Variants in USP34 observed in about 807,000 individuals in gnomAD.
USP34 encodes ubiquitin carboxyl-terminal hydrolase 34.
In USP34, 70 loss-of-function variants were observed where a neutral mutation model predicts 460.3. That is an observed-to-expected ratio of 0.15 (90% CI 0.13 to 0.19). USP34 has a LOEUF of 0.19. USP34 is among the 10% of genes least tolerant of loss of function. The pLI is 1.00. For missense variants in USP34, 3,985 were observed against 4,236.2 expected (o/e 0.94, Z 1.65); for synonymous variants, 1,647 against 1,405.3 (o/e 1.17, Z -3.85).
intron 4 of USP34, 52 bp from the exon 5 acceptor site, chr2:61,395,054 T>A (rs1693474507): frequency 6.5e-7 from 1 of 1,530,466 alleles, no homozygotes; most frequent in African/African-American, 1.4e-5. Flanking sequence ...AAATAATTTT[T>A]ATCTTAGCAA....
chr2:61,190,483 G>C (rs1270732572), intron 77 of USP34, 35 bp downstream of exon 77: 1 of 1,605,946 alleles, frequency 6.2e-7, no homozygotes, highest in East Asian at 2.2e-5. Flanking sequence ...TAACTAATTA[G>C]AAATGACACA....
chr2:61,247,149 AG>A (rs1688437994), intron 49 of USP34, among the ~76,000 whole-genome samples: 1 of 152,206 alleles, frequency 6.6e-6, no homozygotes, highest in Non-Finnish European at 1.5e-5. Flanking sequence ...AAAGATACTG[AG>A]GAAAAAAAAT....
At position 61,206,102 on chromosome 2, in the gene USP34, C is replaced by T; in HGVS notation, c.9069G>A (p.Gln3023=). ...GGGCAAATTCAATTCGCTCCTGCCACTGGATTAATGCTTGTTTCACATCTG... is the reference window on the plus strand; with the variant it reads ...GGGCAAATTCAATTCGCTCCTGCCATTGGATTAATGCTTGTTTCACATCTG... ...QRKDVKQALI[Q]WQERIEFAHK... is the part of the protein sequence containing the mutation. The change falls in exon 72 of 80, where the codon CAG becomes CAA. Residue 3023 remains glutamine, a synonymous_variant. Coordinates refer to ENST00000398571, the MANE Select transcript of USP34 (RefSeq NM_014709.4). The T allele has an allele frequency of 6.2e-7, 1 of 1,613,724 alleles. No homozygotes were observed. The highest frequency in any genetic ancestry group is 8.5e-7 in the Non-Finnish European group (1 of 1,179,754).
intron 5 of USP34, among the ~76,000 whole-genome samples, chr2:61,387,353 T>C (rs928716950): frequency 1.3e-4 from 19 of 151,758 alleles, no homozygotes; most frequent in Non-Finnish European, 1.3e-4. Flanking sequence ...CAATCCCAGC[T>C]ACTTGGAAAG....
At position 61,266,291 on chromosome 2, in the gene USP34, T is replaced by C. The variant is rs1558499575; in HGVS notation, c.5434-124A>G. On this transcript the variant is annotated intron_variant, in intron 41 of 79. Transcript: ENST00000398571. ...CTCAAAAACGTATAGCAGCATGATATACCATCATCTGAAAGTCCTCCGTGT... is the reference window on the plus strand; with the variant it reads ...CTCAAAAACGTATAGCAGCATGATACACCATCATCTGAAAGTCCTCCGTGT... The C allele has an allele frequency of 5.4e-5, 47 of 876,712 alleles. No individual in the cohort carries two copies. In the South Asian group the frequency reaches 1.0e-3, roughly 19 times the overall value. 54.3% of individuals were successfully genotyped at this position (876,712 alleles called of 1,614,324 possible).
At chr2:61,209,029 CT>C in intron 69 of USP34, 52 bp from the exon 70 acceptor site, 1 of 1,121,816 alleles carries the variant, frequency 8.9e-7, no homozygotes, top group Non-Finnish European at 1.2e-6. Flanking sequence ...GAACACAACA[CT>C]TAGGTGATGA....
At chr2:61,217,503 T>C (rs943348757) in intron 67 of USP34, among the ~76,000 whole-genome samples, 10 of 152,224 alleles carry the variant, frequency 6.6e-5, no homozygotes, top group African/African-American at 2.4e-4. Flanking sequence ...AAAGCACTTT[T>C]TCATATTACT....
intron 5 of USP34, among the ~76,000 whole-genome samples, chr2:61,391,478 T>G (rs1487355592): frequency 1.3e-5 from 2 of 152,200 alleles, no homozygotes; most frequent in Non-Finnish European, 2.9e-5. Flanking sequence ...GTCCGTATCT[T>G]TCCTGCCACA....
intron 62 of USP34, among the ~76,000 whole-genome samples, chr2:61,225,656 A>G (rs12611970): frequency 1.3e-5 from 2 of 152,292 alleles, no homozygotes; most frequent in East Asian, 3.9e-4. Context: ...TGTGGCAAAT[A>G]CTGAATTAGC....
intron 62 of USP34, 44 bp downstream of exon 62, chr2:61,227,023 A>C: frequency 1.3e-6 from 2 of 1,548,634 alleles, no homozygotes; most frequent in South Asian, 2.5e-5. Flanking sequence ...TAAAAATAAT[A>C]AAACCAAACA....
chr2:61,303,071 A>C (rs1297463615), intron 27 of USP34, among the ~76,000 whole-genome samples: 1 of 151,866 alleles, frequency 6.6e-6, no homozygotes, highest in Non-Finnish European at 1.5e-5. Context: ...ATATTATTGT[A>C]AGTTTTTTTT....
In USP34 at chr2:61,438,669, C is replaced by A. The variant is rs1431493513; in HGVS notation, c.44-17836G>T. Among the ~76,000 whole-genome samples the A allele has an allele frequency of 2.6e-5, 4 of 152,072 alleles. No individual in the cohort carries two copies. In the South Asian group the frequency reaches 6.2e-4, roughly 24 times the overall value. On this transcript the variant is annotated intron_variant, in intron 1 of 79. Transcript: ENST00000398571. ...AAATTAGGTATAAAAGGAAAGTACACCAACATAATAAAGGCCATATATGAC... is the reference window on the plus strand; with the variant it reads ...AAATTAGGTATAAAAGGAAAGTACAACAACATAATAAAGGCCATATATGAC...
Position 61,470,810 on chromosome 2 carries a change from G to T in USP34, c.-118C>A. 1 of 567,974 alleles carries T rather than the reference G, an allele frequency of 1.8e-6. No homozygotes were observed. The highest frequency in any genetic ancestry group is 2.9e-6 in the Non-Finnish European group (1 of 347,760). The allele number at this position is 567,974 out of a possible 1,614,324, so 35.2% of individuals were successfully genotyped here. On this transcript the variant is annotated 5_prime_UTR_variant, in exon 1 of 80. Coordinates refer to ENST00000398571, the MANE Select transcript of USP34 (RefSeq NM_014709.4). ...CGGCCGGCCGGCGGGGCGGGGAGGCGACTAGGGCGGGCGGCGGCGGGGACG... is the reference window on the plus strand; with the variant it reads ...CGGCCGGCCGGCGGGGCGGGGAGGCTACTAGGGCGGGCGGCGGCGGGGACG...
chr2:61,385,993 T>C (rs1572990442), intron 5 of USP34, among the ~76,000 whole-genome samples: 1 of 117,182 alleles, frequency 8.5e-6, no homozygotes, highest in East Asian at 2.3e-4. Flanking sequence ...TGAGACTCTG[T>C]CTCCAAAAAA....
chr2:61,254,607 A>T (rs1688673329), intron 48 of USP34, among the ~76,000 whole-genome samples: 1 of 152,244 alleles, frequency 6.6e-6, no homozygotes, highest in South Asian at 2.1e-4. Flanking sequence ...TTTCAATATA[A>T]AATTAAAATG....
At chr2:61,382,999 T>A (rs1402222982) in intron 6 of USP34, among the ~76,000 whole-genome samples, 3 of 152,228 alleles carry the variant, frequency 2.0e-5, no homozygotes, top group Non-Finnish European at 4.4e-5. Context: ...ACTGTGTATT[T>A]GCTGACTAAA....
chr2:61,190,725 TTACACAGAAAAAACA>T (rs1170069917), intron 76 of USP34, 67 bp from the exon 77 acceptor site: 5 of 1,533,652 alleles, frequency 3.3e-6, no homozygotes, highest in Non-Finnish European at 8.7e-7. Context: ...CGGAAAAAAC[TTACACAGAAAAAACA>T]TACACTTGTG....
intron 51 of USP34, among the ~76,000 whole-genome samples, chr2:61,244,020 T>C (rs185475093): frequency 6.6e-6 from 1 of 151,704 alleles, no homozygotes; most frequent in African/African-American, 2.4e-5. Context: ...TTCAGCAGAG[T>C]AGACAAGAAC....
In USP34 at chr2:61,343,014, AAC is replaced by A. The variant is rs1691653559; in HGVS notation, c.2500+799_2500+800del. Among the ~76,000 whole-genome samples the A allele has an allele frequency of 2.6e-5, 4 of 152,338 alleles. 1 individual carries two copies. In the South Asian group the frequency reaches 8.3e-4, roughly 32 times the overall value. On this transcript the variant is annotated intron_variant, in intron 16 of 79. Coordinates refer to ENST00000398571, the MANE Select transcript of USP34 (RefSeq NM_014709.4). ...TAACCTAGACAGATCATGTACAAAA[AAC>A]ACATACAAATCAGTAAATTGTTGCC...
Sources: gnomAD v4.1 joint callset for allele counts (sites outside exome capture counted in the v4.1 genomes callset) on GRCh38, gnomAD v4.1.1 for gene constraint, MANE v1.5 for transcripts, NCBI Gene and HGNC (gene_info 2026-07-23, HGNC 2026-07-21) for gene names.